Variants in ADAM2 observed in about 807,000 individuals in gnomAD.
ADAM2 encodes the protein disintegrin and metalloproteinase domain-containing protein 2.
ADAM2 carries 101 observed loss-of-function variants against 99.3 expected under a neutral mutation model. That is an observed-to-expected ratio of 1.02 (90% CI 0.87 to 1.20). The LOEUF (loss-of-function observed/expected upper bound fraction) is 1.20. Ranked by LOEUF, ADAM2 falls within the 50% of genes most tolerant of loss-of-function variation. ADAM2 has a pLI of 0.00. For synonymous variants in ADAM2, 323 were observed against 287.6 expected (o/e 1.12, Z -1.25); for missense variants, 948 against 878.7 (o/e 1.08, Z -1.00).
intron 19 of ADAM2, among the ~76,000 whole-genome samples, chr8:39,745,631 A>G (rs1389514917): frequency 6.6e-6 from 1 of 152,052 alleles, no homozygotes; most frequent in African/African-American, 2.4e-5. Context: ...TATCATCTAG[A>G]TTTTTAAGTC....
chr8:39,826,217 G>A (rs529815486), intron 3 of ADAM2, among the ~76,000 whole-genome samples: 1 of 152,078 alleles, frequency 6.6e-6, no homozygotes, highest in Admixed American at 6.5e-5. Context: ...AACCAAAAGA[G>A]CATAGTACTG....
chr8:39,764,079 T>A (rs1197640921), intron 14 of ADAM2, among the ~76,000 whole-genome samples: 1 of 152,164 alleles, frequency 6.6e-6, no homozygotes, highest in Non-Finnish European at 1.5e-5. Context: ...GTACTCAGTT[T>A]GAAATATTCA....
intron 4 of ADAM2, among the ~76,000 whole-genome samples, chr8:39,824,385 T>C (rs1805317319): frequency 6.6e-6 from 1 of 152,084 alleles, no homozygotes; most frequent in Non-Finnish European, 1.5e-5. Context: ...AATTAAGCTC[T>C]ACATGTTCCA....
At chr8:39,820,767 A>G (rs1209494099) in intron 6 of ADAM2, among the ~76,000 whole-genome samples, 1 of 152,174 alleles carries the variant, frequency 6.6e-6, no homozygotes, top group Non-Finnish European at 1.5e-5. Flanking sequence ...TCTAGATTAC[A>G]GAAAAAGATG....
intron 10 of ADAM2, among the ~76,000 whole-genome samples, chr8:39,781,627 A>ATGGAT (rs1803234332): frequency 6.6e-6 from 1 of 152,180 alleles, no homozygotes; most frequent in Non-Finnish European, 1.5e-5. Flanking sequence ...TATGAATTTG[A>ATGGAT]TGGATAAAAT....
intron 3 of ADAM2, among the ~76,000 whole-genome samples, chr8:39,826,103 T>TCC (rs1321196007): frequency 6.6e-6 from 1 of 152,174 alleles, no homozygotes. Context: ...ATCTTTTACC[T>TCC]CCTTCATTAA....
intron 14 of ADAM2, among the ~76,000 whole-genome samples, chr8:39,763,592 A>C (rs1366464521): frequency 2.0e-5 from 3 of 152,266 alleles, no homozygotes; most frequent in African/African-American, 7.2e-5. Flanking sequence ...CATGCTAAAC[A>C]ACAATGCCCA....
At chr8:39,761,113 TG>T in intron 15 of ADAM2, 62 bp downstream of exon 15, 1 of 1,026,038 alleles carries the variant, frequency 9.7e-7, no homozygotes, top group Non-Finnish European at 1.4e-6. Flanking sequence ...CTTAATTGTT[TG>T]ATGGTATTTT....
Position 39,767,235 on chromosome 8 carries a change from C to G in ADAM2, c.1229G>C (p.Gly410Ala). ...CGTEQDCALI[G>A]ETCCDIATCR... ...TGTGGCAATATCACAGCATGTTTCT[C>G]CAATAAGGGCACAATCCTGTAAGGC... The change falls in exon 13 of 21, where the codon GGA (glycine) becomes GCA (alanine). Residue 410 changes from glycine to alanine, a missense_variant. Transcript: ENST00000265708. 2 of 1,606,054 alleles carry G rather than the reference C, an allele frequency of 1.2e-6. No individual in the cohort carries two copies. The highest frequency in any genetic ancestry group is 1.1e-5 in the South Asian group (1 of 89,596).
intron 19 of ADAM2, 68 bp downstream of exon 19, chr8:39,746,404 A>T (rs1823462842): frequency 9.6e-7 from 1 of 1,037,550 alleles, no homozygotes; most frequent in East Asian, 2.7e-5. Flanking sequence ...CATTACATCG[A>T]CCACATTGCT....
chr8:39,801,926 A>C (rs991633259), intron 7 of ADAM2, among the ~76,000 whole-genome samples: 11 of 152,258 alleles, frequency 7.2e-5, no homozygotes, highest in African/African-American at 2.6e-4. Flanking sequence ...TCCCCCGCCC[A>C]GGGAGCTTAG....
intron 11 of ADAM2, among the ~76,000 whole-genome samples, chr8:39,772,215 A>G (rs1802812942): frequency 6.6e-6 from 1 of 150,462 alleles, no homozygotes. Flanking sequence ...GGATGCTTTC[A>G]TTCTCTATTC....
At chr8:39,767,414 T>C (rs998407465) in intron 12 of ADAM2, among the ~76,000 whole-genome samples, 163 bp from the exon 13 acceptor site, 48 of 152,184 alleles carry the variant, frequency 3.2e-4, no homozygotes, top group African/African-American at 1.1e-3. Context: ...TAACAGACAT[T>C]TATTAATTAC....
At chr8:39,800,155 G>T (rs932830425) in intron 7 of ADAM2, among the ~76,000 whole-genome samples, 1 of 152,196 alleles carries the variant, frequency 6.6e-6, no homozygotes, top group Non-Finnish European at 1.5e-5. Flanking sequence ...TTTTGCAGTG[G>T]CTGCTACTGG....
intron 14 of ADAM2, among the ~76,000 whole-genome samples, chr8:39,764,394 C>A (rs1296128318): frequency 6.6e-6 from 1 of 152,096 alleles, no homozygotes; most frequent in East Asian, 1.9e-4. Context: ...TGGGCAAGAC[C>A]CTCACTGCCC....
intron 6 of ADAM2, among the ~76,000 whole-genome samples, chr8:39,819,355 T>A (rs987799954): frequency 7.2e-5 from 11 of 152,002 alleles, no homozygotes; most frequent in African/African-American, 2.7e-4. Context: ...CCTCATCCAA[T>A]AAAAAATATT....
intron 2 of ADAM2, among the ~76,000 whole-genome samples, chr8:39,835,042 G>A (rs920473352): frequency 9.2e-5 from 14 of 152,066 alleles, no homozygotes; most frequent in Admixed American, 2.0e-4. Context: ...ATTTAATTAC[G>A]TCTTTATAGA....
chr8:39,771,526 C>G (rs937131079), intron 11 of ADAM2, among the ~76,000 whole-genome samples: 5 of 151,858 alleles, frequency 3.3e-5, no homozygotes, highest in African/African-American at 4.8e-5. Context: ...TCACGATGGC[C>G]TATATTTTGA....
At position 39,771,728 on chromosome 8, in the gene ADAM2, T is replaced by A. The variant is rs542155460; in HGVS notation, c.1029-2153A>T. ...GTTGCATCCTGGCTGAACATCCCCTTCAGTTCCATCAACCTTAAATAATGA... is the reference window on the plus strand; with the variant it reads ...GTTGCATCCTGGCTGAACATCCCCTACAGTTCCATCAACCTTAAATAATGA... On this transcript the variant is annotated intron_variant, in intron 11 of 20. Coordinates refer to ENST00000265708, the MANE Select transcript of ADAM2 (RefSeq NM_001464.5). 8.5e-5 allele frequency among the ~76,000 whole-genome samples: 13 copies of A among 152,260 alleles called. No homozygotes were observed. The East Asian group carries it at 2.3e-3, about 27-fold the overall frequency.
Sources: allele counts gnomAD v4.1 joint callset (sites outside exome capture counted in the v4.1 genomes callset), GRCh38; gene constraint gnomAD v4.1.1; transcripts MANE v1.5; gene names NCBI Gene and HGNC (gene_info 2026-07-23, HGNC 2026-07-21).